The following DLL4 variants were observed in gnomAD, a reference collection of about 807,000 sequenced individuals.
DLL4 encodes delta like canonical Notch ligand 4, also known as delta-like protein 4.
A neutral mutation model predicts 73.6 loss-of-function variants in DLL4; 7 were observed. That is an observed-to-expected ratio of 0.10 (90% CI 0.05 to 0.18). The LOEUF is 0.18. DLL4 is among the 10% of genes least tolerant of loss of function. The pLI is 1.00. For missense variants in DLL4, 614 were observed against 929.9 expected (o/e 0.66, Z 4.42); for synonymous variants, 345 against 374.3 (o/e 0.92, Z 0.90).
chr15:40,933,161 C>A (rs1892793039), intron 6 of DLL4, among the ~76,000 whole-genome samples: 1 of 152,222 alleles, frequency 6.6e-6, no homozygotes, highest in Admixed American at 6.5e-5. Flanking sequence ...TGCCCAGAGA[C>A]ACCGGCGCAG....
In DLL4 at chr15:40,938,126, A is replaced by G. The variant is rs1432364186; in HGVS notation, c.*92A>G. ...TTGCATCCTGGATGGGACGTTTTTC[A>G]TATGCAACGTGCTGCTCTCAGGAGG... On this transcript the variant is annotated 3_prime_UTR_variant, in exon 11 of 11. Coordinates refer to ENST00000249749, the MANE Select transcript of DLL4 (RefSeq NM_019074.4). 17 of 1,361,074 alleles carry G rather than the reference A, an allele frequency of 1.2e-5. No homozygotes were observed. The highest frequency in any genetic ancestry group is 1.7e-5 in the Non-Finnish European group (17 of 1,026,528). 84.3% of individuals were successfully genotyped at this position (1,361,074 alleles called of 1,614,324 possible). A position where few individuals can be genotyped will look rare whatever the true frequency, so the allele number is the denominator to read the frequency against.
At position 40,931,232 on chromosome 15, in the gene DLL4, C is replaced by T; in HGVS notation, c.395-271C>T. The T allele has an allele frequency of 1.3e-5, 7 of 536,188 alleles. No individual in the cohort carries two copies. In the South Asian group the frequency reaches 1.8e-4, roughly 14 times the overall value. 33.2% of individuals were successfully genotyped at this position (536,188 alleles called of 1,614,324 possible). On this transcript the variant is annotated intron_variant, in intron 3 of 10. Coordinates refer to ENST00000249749, the MANE Select transcript of DLL4 (RefSeq NM_019074.4). ...TTTCCTCTTTCCCCTCCCTATCTGC[C>T]TCCAAGACCCTGGGATATCTTAACA...
rs1892729110 is a variant in DLL4 at position 40,929,370 on chromosome 15, C to G, written c.-299C>G. The G allele has an allele frequency of 2.4e-6, 1 of 419,282 alleles. No homozygotes were observed. The highest frequency in any genetic ancestry group is 3.7e-5 in the East Asian group (1 of 27,144). The allele number at this position is 419,282 out of a possible 1,614,324, so 26.0% of individuals were successfully genotyped here. ...CGGCGCTGCGCGCAGGCCGGGAACACGAGGCCAAGAGCCGCAGCCCCAGCC... is the reference window on the plus strand; with the variant it reads ...CGGCGCTGCGCGCAGGCCGGGAACAGGAGGCCAAGAGCCGCAGCCCCAGCC... On this transcript the variant is annotated 5_prime_UTR_variant, in exon 1 of 11. Transcript: ENST00000249749. This position sits in a 1 kb window ranked among gnomAD's most constrained non-coding sequence, Gnocchi z 7.1.
chr15:40,930,520 C>G lies in DLL4; in HGVS notation c.337-105C>G, dbSNP rs1892751699. The stretch of plus-strand genomic sequence containing the variant: ...CGTTATGTTGACCCGGGCGCAGTAA[C>G]TGAATCCTGCAATTAGATTAATTAA... On this transcript the variant is annotated intron_variant, in intron 2 of 10. Transcript: ENST00000249749. The surrounding 1 kb of genome is among the most constrained non-coding windows in gnomAD (Gnocchi z 5.7). 1.0e-6 allele frequency: 1 copy of G among 960,412 alleles called. No individual in the cohort carries two copies. The highest frequency in any genetic ancestry group is 2.0e-5 in the Admixed American group (1 of 49,872). 59.5% of individuals were successfully genotyped at this position (960,412 alleles called of 1,614,324 possible). A position where few individuals can be genotyped will look rare whatever the true frequency, so the allele number is the denominator to read the frequency against.
Position 40,930,738 on chromosome 15 carries a change from T to A in DLL4, c.394+56T>A. ...GCGACACGGCGCAGCGCCGAAAGAG[T>A]TAATCTGTTCTAGGCGGGGGAAGTG... On this transcript the variant is annotated intron_variant, in intron 3 of 10. Transcript: ENST00000249749. The surrounding 1 kb of genome is among the most constrained non-coding windows in gnomAD (Gnocchi z 5.7). 6.4e-7 allele frequency: 1 copy of A among 1,571,278 alleles called. No individual in the cohort carries two copies. Among genetic ancestry groups the A allele is most frequent in the Non-Finnish European group, 8.7e-7 (1 of 1,144,928 alleles).
At position 40,936,534 on chromosome 15, in the gene DLL4, G is replaced by A. The variant is rs774301166; in HGVS notation, c.1547G>A (p.Arg516His). 36 of 1,610,622 alleles carry A rather than the reference G, an allele frequency of 2.2e-5. No homozygotes were observed. The highest frequency in any genetic ancestry group is 1.6e-4 in the Middle Eastern group (1 of 6,084). The change falls in exon 9 of 11, where the codon CGC becomes CAC. Residue 516 changes from arginine to histidine, a missense_variant. Physicochemically the swap from Arg to His is conservative, Grantham distance 29. Around this residue, in one of 3 missense-constraint regions of DLL4, gnomAD observed 386 missense variants for 541.3 expected, o/e 0.71. Coordinates refer to ENST00000249749, the MANE Select transcript of DLL4 (RefSeq NM_019074.4). ...CNCPYGFVGS[R>H]CEFPVGLPPS... ...TGCCCTTATGGCTTTGTGGGCAGCC[G>A]CTGCGAGTTCCCCGTGGGCTTGCCG...
In DLL4 at chr15:40,930,616, CT is replaced by C. The variant is rs1892754326; in HGVS notation, c.337-6del. ...CGCCATCTCTCCGTCCCCCCACCCC[CT>C]TTCCCAGGGTACCTTCTCGCTCATC... On this transcript the variant is annotated splice_polypyrimidine_tract_variant and splice_region_variant and intron_variant, in intron 2 of 10. Transcript: ENST00000249749. This position sits in a 1 kb window ranked among gnomAD's most constrained non-coding sequence, Gnocchi z 5.7. The C allele has an allele frequency of 1.2e-6, 2 of 1,613,636 alleles. No individual in the cohort carries two copies. Among genetic ancestry groups the C allele is most frequent in the Admixed American group, 3.3e-5 (2 of 59,988 alleles).
rs1340518073 is a variant in DLL4, at chr15:40,930,475, C to A, written c.337-150C>A. 4.1e-6 allele frequency: 3 copies of A among 725,200 alleles called. No individual in the cohort carries two copies. The highest frequency in any genetic ancestry group is 7.3e-6 in the Non-Finnish European group (3 of 411,998). 44.9% of individuals were successfully genotyped at this position (725,200 alleles called of 1,614,324 possible). On this transcript the variant is annotated intron_variant, in intron 2 of 10. Coordinates refer to ENST00000249749, the MANE Select transcript of DLL4 (RefSeq NM_019074.4). The surrounding 1 kb of genome is among the most constrained non-coding windows in gnomAD (Gnocchi z 5.7). The stretch of plus-strand genomic sequence containing the variant: ...TCTCCTCTCGCCTTCCCTGCTCAAG[C>A]GCTACACTGTGCACAGCCCCGTTAT...
intron 8 of DLL4, among the ~76,000 whole-genome samples, 176 bp from the exon 9 acceptor site, chr15:40,936,052 G>A (rs776239850): frequency 4.6e-5 from 7 of 152,214 alleles, no homozygotes; most frequent in Non-Finnish European, 8.8e-5. Flanking sequence ...CACTGAGGCC[G>A]AGAGAATCAA....
intron 10 of DLL4, 122 bp from the exon 11 acceptor site, chr15:40,937,906 CT>C: frequency 7.7e-6 from 9 of 1,165,960 alleles, no homozygotes; most frequent in South Asian, 2.9e-5. Flanking sequence ...CTGGGGAGGA[CT>C]GCCCCACCTG....
intron 6 of DLL4, among the ~76,000 whole-genome samples, chr15:40,933,183 G>A (rs1014838749): frequency 6.6e-6 from 1 of 152,214 alleles, no homozygotes; most frequent in Non-Finnish European, 1.5e-5. Context: ...CCTGGGTAGG[G>A]TGGGCAGAGA....
At chr15:40,933,495 T>C (rs548554019) in intron 6 of DLL4, among the ~76,000 whole-genome samples, 2 of 152,302 alleles carry the variant, frequency 1.3e-5, no homozygotes, top group South Asian at 2.1e-4. Context: ...CAAATACTTA[T>C]ATTTCAAAAT....
intron 4 of DLL4, 139 bp downstream of exon 4, chr15:40,931,905 G>A (rs1892776233): frequency 1.7e-6 from 2 of 1,160,504 alleles, no homozygotes; most frequent in Admixed American, 2.3e-5. Flanking sequence ...TGCTGAGGGT[G>A]GGCTTGACCT....
Position 40,938,043 on chromosome 15 carries a change from C to A in DLL4, c.*9C>A. On this transcript the variant is annotated 3_prime_UTR_variant, in exon 11 of 11. Transcript: ENST00000249749. ...CTTGCTCCCAGGTATAAGGCAGGAG[C>A]CTACCTGGACATCCCTGCTCAGCCC... 1 of 1,576,658 alleles carries A rather than the reference C, an allele frequency of 6.3e-7. No individual in the cohort carries two copies.
rs55805015 is a variant in DLL4, at chr15:40,938,377, G to T, written c.*343G>T. 0.018 allele frequency: 4,303 copies of T among 235,376 alleles called. 68 individuals are homozygous for T. Among genetic ancestry groups the T allele is most frequent in the African/African-American group, 0.044 (1,969 of 44,432 alleles). The allele number at this position is 235,376 out of a possible 1,614,324, so 14.6% of individuals were successfully genotyped here. Reference sequence around the variant, plus strand: ...GAGAGAGTGGCAGTAGCCCCATGGGGCCCGGAGCTGCTGTGGCCTCCACTG... The same window carrying T: ...GAGAGAGTGGCAGTAGCCCCATGGGTCCCGGAGCTGCTGTGGCCTCCACTG... On this transcript the variant is annotated 3_prime_UTR_variant, in exon 11 of 11. Coordinates refer to ENST00000249749, the MANE Select transcript of DLL4 (RefSeq NM_019074.4).
At position 40,934,676 on chromosome 15, in the gene DLL4, G is replaced by A. The variant is rs1228279248; in HGVS notation, c.979G>A (p.Glu327Lys). 5.0e-6 allele frequency: 8 copies of A among 1,613,906 alleles called. No homozygotes were observed. The highest frequency in any genetic ancestry group is 1.7e-5 in the Admixed American group (1 of 60,016). ...TGVDCELELS[E>K]CDSNPCRNGG... ...TGTGGACTGTGAGCTGGAGCTCAGCGAGTGTGACAGCAACCCCTGTCGCAA... is the reference window on the plus strand; with the variant it reads ...TGTGGACTGTGAGCTGGAGCTCAGCAAGTGTGACAGCAACCCCTGTCGCAA... Residue 327 changes from glutamate to lysine, a missense_variant, in exon 7 of 11, where the codon GAG becomes AAG. This residue lies in a region of DLL4 where 386 missense variants were observed against 541.3 expected (regional missense o/e 0.71). Coordinates refer to ENST00000249749, the MANE Select transcript of DLL4 (RefSeq NM_019074.4).
chr15:40,929,387 G>A lies in DLL4; in HGVS notation c.-282G>A. The A allele has an allele frequency of 2.3e-6, 1 of 430,072 alleles. No homozygotes were observed. The allele number at this position is 430,072 out of a possible 1,614,324, so 26.6% of individuals were successfully genotyped here. A position where few individuals can be genotyped will look rare whatever the true frequency, so the allele number is the denominator to read the frequency against. On this transcript the variant is annotated 5_prime_UTR_variant, in exon 1 of 11. Transcript: ENST00000249749. This position sits in a 1 kb window ranked among gnomAD's most constrained non-coding sequence, Gnocchi z 7.1. ...CGGGAACACGAGGCCAAGAGCCGCAGCCCCAGCCGCCTTGGTGCAGCGTAC... is the reference window on the plus strand; with the variant it reads ...CGGGAACACGAGGCCAAGAGCCGCAACCCCAGCCGCCTTGGTGCAGCGTAC...
chr15:40,930,718 A>C lies in DLL4; in HGVS notation c.394+36A>C. 1.2e-6 allele frequency: 2 copies of C among 1,600,030 alleles called. No individual in the cohort carries two copies. Among genetic ancestry groups the C allele is most frequent in the East Asian group, 2.2e-5 (1 of 44,764 alleles). On this transcript the variant is annotated intron_variant, in intron 3 of 10. Transcript: ENST00000249749. This position sits in a 1 kb window ranked among gnomAD's most constrained non-coding sequence, Gnocchi z 5.7. ...CGCTCCGCCACCACAGGGGGGCGACACGGCGCAGCGCCGAAAGAGTTAATC... is the reference window on the plus strand; with the variant it reads ...CGCTCCGCCACCACAGGGGGGCGACCCGGCGCAGCGCCGAAAGAGTTAATC...
Position 40,936,601 on chromosome 15 carries a change from G to A in DLL4, c.1614G>A (p.Leu538=). ...PWVAVSLGVG[L]AVLLVLLGMV... is the part of the protein sequence containing the mutation. Reference sequence around the variant, plus strand: ...TGGCCGTCTCGCTGGGTGTGGGGCTGGCAGTGCTGCTGGTACTGCTGGGCA... The same window carrying A: ...TGGCCGTCTCGCTGGGTGTGGGGCTAGCAGTGCTGCTGGTACTGCTGGGCA... Residue 538 remains leucine (L), a synonymous_variant, in exon 9 of 11, where the codon CTG becomes CTA. Coordinates refer to ENST00000249749, the MANE Select transcript of DLL4 (RefSeq NM_019074.4). 1 of 1,610,070 alleles carries A rather than the reference G, an allele frequency of 6.2e-7. No individual in the cohort carries two copies. Among genetic ancestry groups the A allele is most frequent in the Non-Finnish European group, 8.5e-7 (1 of 1,178,782 alleles).
Sources: gnomAD v4.1 joint callset for allele counts (sites outside exome capture counted in the v4.1 genomes callset) on GRCh38, gnomAD v4.1.1 for gene constraint, gnomAD v4.1.1 regional missense constraint, Gnocchi (gnomAD v3.1) non-coding constraint, MANE v1.5 for transcripts, NCBI Gene and HGNC (gene_info 2026-07-23, HGNC 2026-07-21) for gene names.